RBFOX1: variants seen among roughly 807,000 people sequenced by gnomAD.
RBFOX1 encodes the protein RNA binding protein fox-1 homolog 1.
RBFOX1 carries 8 observed loss-of-function variants against 57.7 expected under a neutral mutation model. The observed-to-expected ratio is 0.14, with a 90% CI of 0.08 to 0.25. RBFOX1 has a LOEUF of 0.25. Ranked by LOEUF, RBFOX1 falls within the 10% of genes least tolerant of loss-of-function variation. RBFOX1 has a pLI of 1.00. For synonymous variants in RBFOX1, 326 were observed against 222.4 expected, an observed-to-expected ratio of 1.47 and a Z score of -4.15; for missense variants, 611 against 548.5, an observed-to-expected ratio of 1.11 and a Z score of -1.14.
At chr16:7,145,157 T>C (rs2074683126) in intron 4 of RBFOX1, among the ~76,000 whole-genome samples, 1 of 152,284 alleles carries the variant, frequency 6.6e-6, no homozygotes, top group East Asian at 1.9e-4. Flanking sequence ...GGGGGTACCA[T>C]CCCAATCATT....
At chr16:7,355,229 C>G (rs1596320745) in intron 4 of RBFOX1, among the ~76,000 whole-genome samples, 1 of 152,196 alleles carries the variant, frequency 6.6e-6, no homozygotes. Flanking sequence ...TCCTTCTAAC[C>G]TCTACTTTTT....
intron 1 of RBFOX1, among the ~76,000 whole-genome samples, chr16:5,420,241 G>C (rs1449077258): frequency 1.3e-5 from 2 of 152,164 alleles, no homozygotes; most frequent in African/African-American, 4.8e-5. Context: ...TTTATGTTCT[G>C]CCTCTGTTTA....
At chr16:7,025,778 G>C (rs2040728126) in intron 3 of RBFOX1, among the ~76,000 whole-genome samples, 1 of 152,134 alleles carries the variant, frequency 6.6e-6, no homozygotes, top group African/African-American at 2.4e-5. Context: ...ACTGAGAGGA[G>C]ATGGCCAGCA....
At chr16:6,824,358 A>G (rs908081999) in intron 3 of RBFOX1, among the ~76,000 whole-genome samples, 1 of 152,200 alleles carries the variant, frequency 6.6e-6, no homozygotes, top group Non-Finnish European at 1.5e-5. Flanking sequence ...TTGAGCTGAG[A>G]TCATGCTACA....
intron 3 of RBFOX1, among the ~76,000 whole-genome samples, chr16:6,840,533 G>T (rs1283407847): frequency 1.3e-5 from 2 of 152,064 alleles, no homozygotes; most frequent in Non-Finnish European, 2.9e-5. Flanking sequence ...TAGAAAATGG[G>T]ATCTTTGGGA....
rs7202366 is a variant in RBFOX1, at chr16:6,401,779, T to C, written c.-64+84722T>C. Among the ~76,000 whole-genome samples, 204 of 152,202 alleles carry C rather than the reference T, an allele frequency of 1.3e-3. 2 individuals are homozygous for C. Among genetic ancestry groups the C allele is most frequent in the African/African-American group, 4.7e-3 (195 of 41,518 alleles). On this transcript the variant is annotated intron_variant, in intron 2 of 15. Transcript: ENST00000550418. Reference sequence around the variant, plus strand: ...TCATGGAAAACATTAAATGATAAACTATAGTTTATTTAAAATAGAAAATGA... The same window carrying C: ...TCATGGAAAACATTAAATGATAAACCATAGTTTATTTAAAATAGAAAATGA...
intron 1 of RBFOX1, among the ~76,000 whole-genome samples, chr16:6,158,433 C>T (rs1461062986): frequency 1.3e-5 from 2 of 152,016 alleles, no homozygotes; most frequent in Admixed American, 6.5e-5. Flanking sequence ...TGTGAGGCCT[C>T]CTTTGATTTT....
At chr16:5,598,475 T>C (rs1596386940) in intron 2 of RBFOX1, among the ~76,000 whole-genome samples, 1 of 152,210 alleles carries the variant, frequency 6.6e-6, no homozygotes, top group Admixed American at 6.5e-5. Flanking sequence ...ACTGTAATAA[T>C]AAACTTCCTT....
intron 1 of RBFOX1, among the ~76,000 whole-genome samples, chr16:6,042,131 C>G (rs1030603547): frequency 4.7e-5 from 7 of 148,776 alleles, no homozygotes; most frequent in Non-Finnish European, 8.9e-5. Flanking sequence ...GACAGAGTCT[C>G]CCACTGTCGC....
At chr16:6,464,713 A>G (rs1318838623) in intron 2 of RBFOX1, among the ~76,000 whole-genome samples, 1 of 152,202 alleles carries the variant, frequency 6.6e-6, no homozygotes, top group Non-Finnish European at 1.5e-5. Context: ...TTGTGCTTTG[A>G]TTACACCTTC....
intron 10 of RBFOX1, among the ~76,000 whole-genome samples, chr16:7,626,493 C>G (rs2142333968): frequency 6.6e-6 from 1 of 152,294 alleles, no homozygotes; most frequent in Admixed American, 6.5e-5. Flanking sequence ...GCGAACGTGA[C>G]AGGCTTTGGA....
chr16:7,274,555 C>T (rs568013791), intron 4 of RBFOX1, among the ~76,000 whole-genome samples: 8 of 152,272 alleles, frequency 5.3e-5, no homozygotes, highest in African/African-American at 1.9e-4. Context: ...CTGACACTAA[C>T]CTTAAACTAA....
In RBFOX1 at chr16:7,642,751, C is replaced by G. The variant is rs188686755; in HGVS notation, c.758-11064C>G. On this transcript the variant is annotated intron_variant, in intron 11 of 15. Transcript: ENST00000550418. ...GGTTATCAGTACAGATTTTGTTAAA[C>G]TAATAGATGATGACGAACTGCTGCA... 3.1e-3 allele frequency among the ~76,000 whole-genome samples: 469 copies of G among 152,038 alleles called. 7 individuals carry two copies. The highest frequency in any genetic ancestry group is 1.9e-3 in the Non-Finnish European group (126 of 67,982).
At chr16:5,691,260 T>C (rs2050670324) in intron 3 of RBFOX1, among the ~76,000 whole-genome samples, 2 of 152,184 alleles carry the variant, frequency 1.3e-5, no homozygotes, top group South Asian at 4.1e-4. Context: ...TTCAGGAGGA[T>C]TGGGATATTA....
intron 3 of RBFOX1, among the ~76,000 whole-genome samples, chr16:6,738,079 T>TAA (rs60577324): frequency 5.9e-4 from 83 of 140,234 alleles, no homozygotes; most frequent in African/African-American, 1.1e-3. Flanking sequence ...CGGTAATTCT[T>TAA]AAAAAAAAAA....
chr16:5,927,170 C>T (rs1246886309), intron 4 of RBFOX1, among the ~76,000 whole-genome samples: 3 of 152,006 alleles, frequency 2.0e-5, no homozygotes, highest in Non-Finnish European at 4.4e-5. Flanking sequence ...TCTTAAAATC[C>T]AATGAAAGTA....
At chr16:7,269,652 G>C (rs1440266350) in intron 4 of RBFOX1, among the ~76,000 whole-genome samples, 1 of 152,106 alleles carries the variant, frequency 6.6e-6, no homozygotes, top group African/African-American at 2.4e-5. Flanking sequence ...TATTACCTCT[G>C]TTGTTATTGA....
chr16:7,649,238 G>T (rs2064419652), intron 11 of RBFOX1, among the ~76,000 whole-genome samples: 1 of 152,112 alleles, frequency 6.6e-6, no homozygotes, highest in Non-Finnish European at 1.5e-5. Context: ...AGATCATGGG[G>T]AAATGTGCTC....
chr16:5,702,669 G>T (rs981767868), intron 3 of RBFOX1, among the ~76,000 whole-genome samples: 1 of 152,182 alleles, frequency 6.6e-6, no homozygotes, highest in Non-Finnish European at 1.5e-5. Context: ...AATGTTAACA[G>T]TCTATGAGTA....
Sources: gnomAD v4.1 joint callset for allele counts (sites outside exome capture counted in the v4.1 genomes callset) on GRCh38, gnomAD v4.1.1 for gene constraint, MANE v1.5 for transcripts, NCBI Gene and HGNC (gene_info 2026-07-23, HGNC 2026-07-21) for gene names.